The following KCNH8 variants were observed in gnomAD, a reference collection of about 807,000 sequenced individuals.
KCNH8 encodes potassium voltage-gated channel subfamily H member 8.
KCNH8 carries 70 observed loss-of-function variants against 103.6 expected under a neutral mutation model. The ratio of observed to expected loss-of-function variants is 0.68; its 90% CI spans 0.56 to 0.82. The LOEUF (loss-of-function observed/expected upper bound fraction) is 0.82. Ranked by LOEUF, KCNH8 falls within the 40% of genes least tolerant of loss-of-function variation. The pLI is 0.00. For missense variants in KCNH8, 1,217 were observed against 1,329.9 expected (o/e 0.92, Z 1.32); for synonymous variants, 498 against 489.4 (o/e 1.02, Z -0.23).
chr3:19,399,176 A>G (rs1463280270), intron 7 of KCNH8, among the ~76,000 whole-genome samples: 1 of 151,972 alleles, frequency 6.6e-6, no homozygotes, highest in African/African-American at 2.4e-5. Context: ...ACTGTATTAA[A>G]GAGACATGTC....
intron 3 of KCNH8, among the ~76,000 whole-genome samples, chr3:19,331,638 G>T (rs1462986913): frequency 1.3e-5 from 2 of 152,050 alleles, no homozygotes; most frequent in Non-Finnish European, 2.9e-5. Flanking sequence ...GGTATTTATG[G>T]GATGCATAAG....
intron 11 of KCNH8, among the ~76,000 whole-genome samples, chr3:19,468,478 C>G (rs1001615383): frequency 2.0e-5 from 3 of 152,098 alleles, no homozygotes; most frequent in African/African-American, 7.2e-5. Flanking sequence ...TTTGAAAGAA[C>G]AAATTGAAAG....
At chr3:19,161,250 G>A (rs539366936) in intron 1 of KCNH8, among the ~76,000 whole-genome samples, 3 of 152,242 alleles carry the variant, frequency 2.0e-5, no homozygotes, top group South Asian at 2.1e-4. Flanking sequence ...TACTATCGTC[G>A]GTTTTAGGCA....
chr3:19,342,090 A>T (rs968220937), intron 3 of KCNH8, among the ~76,000 whole-genome samples: 58 of 152,160 alleles, frequency 3.8e-4, no homozygotes, highest in African/African-American at 1.4e-3. Flanking sequence ...CCATTTAAAA[A>T]ATAGAGAACT....
At chr3:19,257,746 G>T (rs745652189) in intron 2 of KCNH8, among the ~76,000 whole-genome samples, 21 of 152,042 alleles carry the variant, frequency 1.4e-4, no homozygotes, top group Non-Finnish European at 2.6e-4. Context: ...TTATTGTGAT[G>T]TATTAGTTTG....
At chr3:19,262,010 G>C (rs1336321563) in intron 2 of KCNH8, among the ~76,000 whole-genome samples, 2 of 151,464 alleles carry the variant, frequency 1.3e-5, no homozygotes, top group Non-Finnish European at 3.0e-5. Context: ...TATTACTATA[G>C]CTTTATAATA....
At chr3:19,326,378 TA>T (rs1290921723) in intron 3 of KCNH8, among the ~76,000 whole-genome samples, 1 of 146,700 alleles carries the variant, frequency 6.8e-6, no homozygotes, top group Non-Finnish European at 1.5e-5. Flanking sequence ...TATATATATA[TA>T]TATAATAAAT....
At chr3:19,465,496 T>C (rs2067716665) in intron 11 of KCNH8, among the ~76,000 whole-genome samples, 1 of 152,174 alleles carries the variant, frequency 6.6e-6, no homozygotes, top group Non-Finnish European at 1.5e-5. Context: ...TGCAAGGATA[T>C]TAATGCAGTT....
At chr3:19,233,805 C>T (rs1197909309) in intron 1 of KCNH8, among the ~76,000 whole-genome samples, 2 of 151,956 alleles carry the variant, frequency 1.3e-5, no homozygotes, top group African/African-American at 4.8e-5. Context: ...GTGAGTGTTA[C>T]AGTTCTTAAA....
intron 5 of KCNH8, among the ~76,000 whole-genome samples, chr3:19,386,345 A>G (rs764033785): frequency 2.6e-5 from 4 of 152,166 alleles, no homozygotes; most frequent in East Asian, 1.9e-4. Flanking sequence ...AGATAATTCA[A>G]TTATATTCTG....
At chr3:19,370,524 T>A (rs1183025867) in intron 5 of KCNH8, among the ~76,000 whole-genome samples, 1 of 152,106 alleles carries the variant, frequency 6.6e-6, no homozygotes, top group Non-Finnish European at 1.5e-5. Context: ...TTAAAGCCAA[T>A]ATTCATCTCA....
chr3:19,195,932 T>C (rs533984438), intron 1 of KCNH8, among the ~76,000 whole-genome samples: 37 of 152,172 alleles, frequency 2.4e-4, no homozygotes, highest in African/African-American at 7.9e-4. Flanking sequence ...TCAGTTTGCA[T>C]CTTCTTCTAG....
At chr3:19,527,469 T>G (rs980576489) in intron 15 of KCNH8, among the ~76,000 whole-genome samples, 10 of 152,164 alleles carry the variant, frequency 6.6e-5, no homozygotes, top group South Asian at 2.1e-4. Context: ...AAGTTTTATA[T>G]CTGTTATATT....
chr3:19,297,588 G>A (rs563440162), intron 3 of KCNH8, among the ~76,000 whole-genome samples: 116 of 152,264 alleles, frequency 7.6e-4, no homozygotes, highest in Non-Finnish European at 8.7e-4. Context: ...CTTCTGTAAA[G>A]GAATATGACT....
chr3:19,264,007 T>C (rs1005168954), intron 2 of KCNH8, among the ~76,000 whole-genome samples: 1 of 152,206 alleles, frequency 6.6e-6, no homozygotes, highest in South Asian at 2.1e-4. Context: ...AGTTGCTTTC[T>C]CCAGCTTGAT....
At chr3:19,193,822 A>G (rs1171752820) in intron 1 of KCNH8, among the ~76,000 whole-genome samples, 1 of 151,792 alleles carries the variant, frequency 6.6e-6, no homozygotes, top group African/African-American at 2.4e-5. Flanking sequence ...TCGGAAGCTT[A>G]TTAAGTATTA....
At chr3:19,357,051 G>A (rs966809054) in intron 5 of KCNH8, among the ~76,000 whole-genome samples, 6 of 151,632 alleles carry the variant, frequency 4.0e-5, no homozygotes, top group Middle Eastern at 3.4e-3. Context: ...CCAGATTCAG[G>A]GAATAAATTA....
intron 1 of KCNH8, among the ~76,000 whole-genome samples, chr3:19,186,842 A>G (rs761276558): frequency 3.9e-5 from 6 of 152,106 alleles, no homozygotes; most frequent in Admixed American, 1.3e-4. Context: ...TAGTTTTTCA[A>G]TGGAGACACC....
intron 5 of KCNH8, among the ~76,000 whole-genome samples, chr3:19,355,673 A>T (rs1189247986): frequency 6.6e-6 from 1 of 152,056 alleles, no homozygotes; most frequent in African/African-American, 2.4e-5. Flanking sequence ...CGTAGGTGGC[A>T]ATTGAACAAT....
Sources: gnomAD v4.1 joint callset for allele counts (sites outside exome capture counted in the v4.1 genomes callset) on GRCh38, gnomAD v4.1.1 for gene constraint, MANE v1.5 for transcripts, NCBI Gene and HGNC (gene_info 2026-07-23, HGNC 2026-07-21) for gene names.